Variants in NLGN1 observed in about 807,000 individuals in gnomAD.
NLGN1 encodes the protein neuroligin 1.
In NLGN1, 12 loss-of-function variants were observed where a neutral mutation model predicts 65.5. The observed-to-expected ratio is 0.18, with a 90% CI of 0.12 to 0.30. NLGN1 has a LOEUF of 0.30. Ranked by LOEUF, NLGN1 falls within the 10% of genes least tolerant of loss-of-function variation. NLGN1 has a pLI of 1.00. For synonymous variants in NLGN1, 350 were observed against 359.5 expected (o/e 0.97, Z 0.30); for missense variants, 750 against 1,007.1 (o/e 0.74, Z 3.46).
At chr3:173,712,628 A>T (rs60968269) in intron 3 of NLGN1, among the ~76,000 whole-genome samples, 14,873 of 152,140 alleles carry the variant, frequency 0.098, 748 homozygotes, top group African/African-American at 0.12. Flanking sequence ...AAATGAGTTA[A>T]TACACGGGAA....
intron 3 of NLGN1, among the ~76,000 whole-genome samples, chr3:173,669,073 GTT>G (rs1762110342): frequency 6.6e-6 from 1 of 152,142 alleles, no homozygotes; most frequent in African/African-American, 2.4e-5. Flanking sequence ...TGCATGCAGT[GTT>G]TATTTTTTTC....
At chr3:173,838,890 C>T (rs2150658634) in intron 4 of NLGN1, among the ~76,000 whole-genome samples, 1 of 152,288 alleles carries the variant, frequency 6.6e-6, no homozygotes, top group Non-Finnish European at 1.5e-5. Flanking sequence ...TTGACTGATG[C>T]TTCACATGAA....
At chr3:174,151,858 A>G (rs1724416639) in intron 4 of NLGN1, among the ~76,000 whole-genome samples, 3 of 152,132 alleles carry the variant, frequency 2.0e-5, no homozygotes, top group African/African-American at 4.8e-5. Flanking sequence ...CACACTACAG[A>G]TGGACAAAAA....
intron 4 of NLGN1, among the ~76,000 whole-genome samples, chr3:174,084,866 G>A (rs2152556253): frequency 6.6e-6 from 1 of 152,044 alleles, no homozygotes; most frequent in African/African-American, 2.4e-5. Context: ...TAAACAATGT[G>A]AAATATTTTT....
chr3:173,642,514 G>T (rs1757578603), intron 3 of NLGN1, among the ~76,000 whole-genome samples: 1 of 152,184 alleles, frequency 6.6e-6, no homozygotes, highest in Non-Finnish European at 1.5e-5. Context: ...ACCAACGTAT[G>T]ATGTGTAAAC....
chr3:173,583,878 A>G (rs930760833), intron 2 of NLGN1, among the ~76,000 whole-genome samples: 2 of 152,084 alleles, frequency 1.3e-5, no homozygotes, highest in Non-Finnish European at 2.9e-5. Context: ...CTAAGAATAC[A>G]CACACACACA....
chr3:174,187,530 G>A (rs755226262), intron 4 of NLGN1, among the ~76,000 whole-genome samples: 1 of 152,008 alleles, frequency 6.6e-6, no homozygotes, highest in Admixed American at 6.6e-5. Context: ...TGCTTTTGCT[G>A]TATGGATGAC....
chr3:173,778,786 ATCT>A (rs1454004364), intron 3 of NLGN1, among the ~76,000 whole-genome samples: 3 of 151,818 alleles, frequency 2.0e-5, no homozygotes, highest in African/African-American at 7.2e-5. Flanking sequence ...AAATCATTTC[ATCT>A]TCTTCAAATA....
intron 4 of NLGN1, among the ~76,000 whole-genome samples, chr3:173,820,837 A>T (rs1578614014): frequency 1.3e-5 from 2 of 152,310 alleles, no homozygotes; most frequent in Middle Eastern, 3.4e-3. Context: ...TATATAGATA[A>T]TAGGCTTTGG....
chr3:173,468,644 A>G (rs1390638381), intron 2 of NLGN1, among the ~76,000 whole-genome samples: 2 of 152,216 alleles, frequency 1.3e-5, no homozygotes, highest in South Asian at 2.1e-4. Context: ...AGTATTTGGC[A>G]TATTTGAATT....
chr3:173,619,348 GTTA>G (rs1753635147), intron 3 of NLGN1, among the ~76,000 whole-genome samples: 1 of 152,074 alleles, frequency 6.6e-6, no homozygotes, highest in Admixed American at 6.6e-5. Context: ...CTATTATTCT[GTTA>G]TTCTTGTTTT....
intron 3 of NLGN1, among the ~76,000 whole-genome samples, chr3:173,620,474 C>CCCTATCCCTCA (rs1753817866): frequency 1.3e-5 from 2 of 151,624 alleles, no homozygotes; most frequent in African/African-American, 4.9e-5. Context: ...CTCAAGAAGG[C>CCCTATCCCTCA]AGGATAGGGA....
At chr3:174,165,264 C>A (rs1023182179) in intron 4 of NLGN1, among the ~76,000 whole-genome samples, 2 of 151,944 alleles carry the variant, frequency 1.3e-5, no homozygotes, top group Non-Finnish European at 2.9e-5. Flanking sequence ...AATGGACATC[C>A]TTGTCTTGTT....
At chr3:174,291,244 GA>G (rs1353623774), downstream of NLGN1, among the ~76,000 whole-genome samples, 2 of 150,584 alleles carry the variant, frequency 1.3e-5, no homozygotes, top group African/African-American at 4.9e-5. Flanking sequence ...TAAGAAGATA[GA>G]AAAAGAAGAC....
chr3:174,274,821 C>T (rs936493592), intron 4 of NLGN1, among the ~76,000 whole-genome samples: 1 of 151,730 alleles, frequency 6.6e-6, no homozygotes, highest in Non-Finnish European at 1.5e-5. Flanking sequence ...TTTACAAAAT[C>T]TTTCTCTACA....
intron 3 of NLGN1, among the ~76,000 whole-genome samples, chr3:173,729,010 T>C (rs1578153962): frequency 1.3e-5 from 2 of 152,236 alleles, no homozygotes; most frequent in East Asian, 3.9e-4. Flanking sequence ...TGCTAGACAT[T>C]GTACTGAATA....
intron 3 of NLGN1, among the ~76,000 whole-genome samples, chr3:173,616,162 C>A (rs1313098359): frequency 1.3e-5 from 2 of 152,136 alleles, no homozygotes; most frequent in African/African-American, 4.8e-5. Context: ...ATACTGTAGT[C>A]TCTCAATACC....
At chr3:174,005,101 A>G (rs1489149987) in intron 4 of NLGN1, among the ~76,000 whole-genome samples, 1 of 152,180 alleles carries the variant, frequency 6.6e-6, no homozygotes, top group Non-Finnish European at 1.5e-5. Context: ...TCATTTATTA[A>G]TGTGACTTTG....
chr3:174,047,394 T>C (rs1361690231), intron 4 of NLGN1, among the ~76,000 whole-genome samples: 3 of 152,046 alleles, frequency 2.0e-5, no homozygotes, highest in Admixed American at 6.6e-5. Flanking sequence ...CTATATGTAA[T>C]TGAGATGGTG....
Sources: gnomAD v4.1 joint callset for allele counts (sites outside exome capture counted in the v4.1 genomes callset) on GRCh38, gnomAD v4.1.1 for gene constraint, MANE v1.5 for transcripts, NCBI Gene and HGNC (gene_info 2026-07-23, HGNC 2026-07-21) for gene names.